ADAM32: variants seen among roughly 807,000 people sequenced by gnomAD.
ADAM32 encodes the protein disintegrin and metalloproteinase domain-containing protein 32.
A neutral mutation model predicts 114.9 loss-of-function variants in ADAM32; 89 were observed. The observed-to-expected ratio is 0.77, with a 90% CI of 0.65 to 0.92. The LOEUF (loss-of-function observed/expected upper bound fraction) is 0.92, where lower values mean the gene tolerates loss of function less well. ADAM32 is among the 40% of genes least tolerant of loss of function. The pLI, the probability that ADAM32 is intolerant of heterozygous loss-of-function variation, is 0.00. For synonymous variants in ADAM32, 285 were observed against 307.5 expected, an observed-to-expected ratio of 0.93 and a Z score of 0.77; for missense variants, 870 against 932.8, an observed-to-expected ratio of 0.93 and a Z score of 0.88.
intron 19 of ADAM32, among the ~76,000 whole-genome samples, chr8:39,266,845 T>C (rs528714215): frequency 7.2e-5 from 11 of 152,338 alleles, no homozygotes; most frequent in African/African-American, 2.2e-4. Flanking sequence ...CATTCTCTGA[T>C]ACCTTAAGGG....
intron 17 of ADAM32, among the ~76,000 whole-genome samples, chr8:39,249,229 T>C (rs1811134651): frequency 6.6e-6 from 1 of 152,138 alleles, no homozygotes; most frequent in Non-Finnish European, 1.5e-5. Flanking sequence ...TAATGTTAAA[T>C]GCTTTTTCTG....
intron 17 of ADAM32, among the ~76,000 whole-genome samples, chr8:39,252,084 T>G (rs548745762): frequency 5.3e-5 from 8 of 151,976 alleles, no homozygotes; most frequent in African/African-American, 1.7e-4. Flanking sequence ...TGTGTTTGAT[T>G]TTATGCCAGT....
At chr8:39,207,206 A>G (rs962424622) in intron 11 of ADAM32, among the ~76,000 whole-genome samples, 8 of 152,036 alleles carry the variant, frequency 5.3e-5, no homozygotes, top group Non-Finnish European at 8.8e-5. Flanking sequence ...CACTTCTCCA[A>G]TGAATTCCAG....
intron 19 of ADAM32, among the ~76,000 whole-genome samples, chr8:39,266,981 T>C (rs1023255347): frequency 2.0e-5 from 3 of 152,180 alleles, no homozygotes; most frequent in Non-Finnish European, 2.9e-5. Context: ...ACCTGGCCTG[T>C]TTCTTTGTTC....
intron 20 of ADAM32, 32 bp downstream of exon 20, chr8:39,270,946 AT>A: frequency 6.3e-7 from 1 of 1,578,746 alleles, no homozygotes; most frequent in Non-Finnish European, 8.6e-7. Flanking sequence ...TTTAAGATAC[AT>A]GTTGAAAATT....
At chr8:39,176,367 T>C (rs930740266) in intron 10 of ADAM32, among the ~76,000 whole-genome samples, 2 of 152,302 alleles carry the variant, frequency 1.3e-5, no homozygotes, top group South Asian at 2.1e-4. Context: ...CTGCATCCCA[T>C]AGATTCCGGT....
At chr8:39,273,561 A>T (rs1225497835) in intron 20 of ADAM32, among the ~76,000 whole-genome samples, 1 of 151,802 alleles carries the variant, frequency 6.6e-6, no homozygotes, top group Non-Finnish European at 1.5e-5. Context: ...AAAGGATAGG[A>T]TAGTAAACAC....
chr8:39,264,633 C>T (rs533949774), intron 19 of ADAM32, among the ~76,000 whole-genome samples: 31 of 152,050 alleles, frequency 2.0e-4, no homozygotes, highest in East Asian at 7.7e-4. Context: ...CTTCTAGGTG[C>T]GATGTTAGGT....
intron 17 of ADAM32, among the ~76,000 whole-genome samples, chr8:39,247,876 A>C: frequency 6.7e-6 from 1 of 150,294 alleles, no homozygotes. Flanking sequence ...TTGAAGGGTG[A>C]TAAGTTTGTG....
intron 1 of ADAM32, among the ~76,000 whole-genome samples, chr8:39,113,679 A>G (rs969917793): frequency 1.3e-5 from 2 of 152,156 alleles, no homozygotes; most frequent in African/African-American, 4.8e-5. Flanking sequence ...GCATGCATGT[A>G]TCTTACTGAA....
chr8:39,214,228 G>A (rs1808416423), intron 12 of ADAM32, among the ~76,000 whole-genome samples: 1 of 152,038 alleles, frequency 6.6e-6, no homozygotes. Flanking sequence ...AGATCATATG[G>A]TAGCTCTATT....
chr8:39,257,115 G>T, intron 18 of ADAM32, 72 bp from the exon 19 acceptor site: 1 of 1,326,810 alleles, frequency 7.5e-7, no homozygotes, highest in East Asian at 2.5e-5. Context: ...TTTAATGAAT[G>T]TGTTGCAACT....
intron 1 of ADAM32, among the ~76,000 whole-genome samples, chr8:39,113,123 C>A (rs896589768): frequency 6.6e-6 from 1 of 152,170 alleles, no homozygotes; most frequent in African/African-American, 2.4e-5. Context: ...TCTCTTGAAG[C>A]ACTGTCTTGA....
intron 10 of ADAM32, among the ~76,000 whole-genome samples, chr8:39,175,697 G>C (rs1483273918): frequency 6.6e-6 from 1 of 152,156 alleles, no homozygotes; most frequent in Non-Finnish European, 1.5e-5. Flanking sequence ...TTCATAAAAT[G>C]AATTGGGGAG....
At chr8:39,248,591 C>G (rs942663254) in intron 17 of ADAM32, among the ~76,000 whole-genome samples, 1 of 152,024 alleles carries the variant, frequency 6.6e-6, no homozygotes, top group African/African-American at 2.4e-5. Context: ...TTCTTCAATT[C>G]TTTTTAGATT....
intron 22 of ADAM32, among the ~76,000 whole-genome samples, chr8:39,278,722 C>T (rs1174336524): frequency 6.6e-6 from 1 of 151,892 alleles, no homozygotes; most frequent in Non-Finnish European, 1.5e-5. Flanking sequence ...TTATCAGTTG[C>T]TTTGCTCTCA....
chr8:39,220,718 G>T (rs1808903148), intron 12 of ADAM32, among the ~76,000 whole-genome samples: 3 of 151,912 alleles, frequency 2.0e-5, no homozygotes, highest in Admixed American at 2.0e-4. Flanking sequence ...TGCTTGTGTA[G>T]TTTTCTAAGT....
intron 11 of ADAM32, among the ~76,000 whole-genome samples, chr8:39,199,243 G>A (rs2129447739): frequency 1.3e-5 from 2 of 152,282 alleles, no homozygotes; most frequent in South Asian, 4.1e-4. Context: ...GTATCTTGAT[G>A]TCTATATCTC....
intron 3 of ADAM32, among the ~76,000 whole-genome samples, chr8:39,142,056 T>C (rs999494918): frequency 6.6e-6 from 1 of 152,172 alleles, no homozygotes; most frequent in Non-Finnish European, 1.5e-5. Context: ...TGGTAGATCT[T>C]CCTCCATCCC....
Sources: allele counts gnomAD v4.1 joint callset (sites outside exome capture counted in the v4.1 genomes callset), GRCh38; gene constraint gnomAD v4.1.1; transcripts MANE v1.5; gene names NCBI Gene and HGNC (gene_info 2026-07-23, HGNC 2026-07-21).